Variants in PRR14L observed in about 807,000 individuals in gnomAD.
PRR14L encodes the protein proline rich 14 like, also known as protein PRR14L.
In PRR14L, 80 loss-of-function variants were observed where a neutral mutation model predicts 155.0. The ratio of observed to expected loss-of-function variants is 0.52; its 90% CI spans 0.43 to 0.62. The LOEUF is 0.62. PRR14L is among the 20% of genes least tolerant of loss of function. PRR14L has a pLI of 0.00. For synonymous variants in PRR14L, 883 were observed against 916.0 expected, an observed-to-expected ratio of 0.96 and a Z score of 0.65; for missense variants, 2,469 against 2,548.0, an observed-to-expected ratio of 0.97 and a Z score of 0.67.
intron 7 of PRR14L, among the ~76,000 whole-genome samples, chr22:31,691,872 C>CT (rs781640481): frequency 0.021 from 3,019 of 144,026 alleles, 84 homozygotes; most frequent in African/African-American, 0.069. Flanking sequence ...TTTTCAATTC[C>CT]TTTTTTTTTT....
chr22:31,705,615 G>A (rs1042802611), intron 4 of PRR14L, among the ~76,000 whole-genome samples: 2 of 151,624 alleles, frequency 1.3e-5, no homozygotes, highest in Non-Finnish European at 2.9e-5. Context: ...CTTGTGATCC[G>A]CCCACCTTAA....
intron 1 of PRR14L, among the ~76,000 whole-genome samples, chr22:31,741,867 G>A (rs751632870): frequency 2.6e-5 from 4 of 152,136 alleles, no homozygotes; most frequent in South Asian, 2.1e-4. Context: ...GTGAGACTCC[G>A]TCTCAAAAAC....
chr22:31,720,195 G>GT (rs910296367), intron 3 of PRR14L, among the ~76,000 whole-genome samples: 66 of 152,232 alleles, frequency 4.3e-4, no homozygotes, highest in African/African-American at 1.4e-3. Flanking sequence ...CTTTTGCTCT[G>GT]TTTTTTTATT....
intron 7 of PRR14L, among the ~76,000 whole-genome samples, chr22:31,691,953 C>G (rs1324192660): frequency 1.3e-5 from 2 of 151,944 alleles, no homozygotes; most frequent in African/African-American, 4.8e-5. Flanking sequence ...CTGCAACCTC[C>G]ACCTCCTGCG....
At chr22:31,707,356 GAACA>G (rs56216862) in intron 4 of PRR14L, among the ~76,000 whole-genome samples, 15,792 of 151,710 alleles carry the variant, frequency 0.1, 1,041 homozygotes, top group African/African-American at 0.18. Context: ...CTAACCTCAG[GAACA>G]AACAGTTTGG....
intron 4 of PRR14L, among the ~76,000 whole-genome samples, chr22:31,705,319 T>C (rs538889525): frequency 6.6e-6 from 1 of 152,338 alleles, no homozygotes; most frequent in Middle Eastern, 3.4e-3. Flanking sequence ...AGTTGTGTAC[T>C]GACTAATAAA....
intron 5 of PRR14L, among the ~76,000 whole-genome samples, chr22:31,704,094 G>C (rs977206716): frequency 6.6e-6 from 1 of 152,258 alleles, no homozygotes; most frequent in African/African-American, 2.4e-5. Flanking sequence ...ACCACGCCCA[G>C]CCTCAACTTC....
At chr22:31,709,423 T>G (rs1438813287) in intron 4 of PRR14L, among the ~76,000 whole-genome samples, 1 of 150,590 alleles carries the variant, frequency 6.6e-6, no homozygotes, top group Non-Finnish European at 1.5e-5. Context: ...AGCTAAAATT[T>G]TTTTGTATTT....
In PRR14L at chr22:31,711,640, C is replaced by T. The variant is rs1048623996; in HGVS notation, c.5756+443G>A. On this transcript the variant is annotated intron_variant, in intron 4 of 8. Transcript: ENST00000327423. ...CTACTAAAAAATACAAAAACTTAGC[C>T]GGGTGTGGTGGCGCATGCCTGTAAT... Among the ~76,000 whole-genome samples the T allele has an allele frequency of 3.1e-4, 47 of 151,686 alleles. 1 individual carries two copies. Among genetic ancestry groups the T allele is most frequent in the Admixed American group, 2.2e-3 (34 of 15,216 alleles).
intron 2 of PRR14L, among the ~76,000 whole-genome samples, chr22:31,733,058 G>A (rs963456747): frequency 2.0e-5 from 3 of 149,906 alleles, no homozygotes; most frequent in Non-Finnish European, 3.0e-5. Flanking sequence ...GTGCAATCTC[G>A]GCTCACTACA....
At chr22:31,699,226 CA>C (rs964837493) in intron 7 of PRR14L, among the ~76,000 whole-genome samples, 1 of 151,788 alleles carries the variant, frequency 6.6e-6, no homozygotes, top group African/African-American at 2.4e-5. Context: ...TTAGTAGAGA[CA>C]GGGTTTCACC....
At chr22:31,726,450 A>G (rs2074717261) in intron 2 of PRR14L, among the ~76,000 whole-genome samples, 2 of 152,014 alleles carry the variant, frequency 1.3e-5, no homozygotes, top group African/African-American at 4.8e-5. Flanking sequence ...TATTTTTAGT[A>G]GAGACAGGGT....
intron 7 of PRR14L, among the ~76,000 whole-genome samples, chr22:31,688,925 C>CACACACACACACAA (rs1165552534): frequency 1.7e-4 from 25 of 151,358 alleles, no homozygotes; most frequent in African/African-American, 6.1e-4. Context: ...CACACACACA[C>CACACACACACACAA]AAAAACCCTT....
intron 3 of PRR14L, among the ~76,000 whole-genome samples, chr22:31,724,476 C>G (rs1911195031): frequency 6.6e-6 from 1 of 152,200 alleles, no homozygotes; most frequent in Admixed American, 6.5e-5. Context: ...TCACGGCTCA[C>G]TACAGCCTCA....
At chr22:31,736,734 T>C (rs1417264260) in intron 2 of PRR14L, among the ~76,000 whole-genome samples, 1 of 151,930 alleles carries the variant, frequency 6.6e-6, no homozygotes, top group Non-Finnish European at 1.5e-5. Context: ...CAAAGCTGAG[T>C]TGTTCCAAAA....
chr22:31,704,584 T>A, intron 5 of PRR14L, 71 bp downstream of exon 5: 4 of 1,257,948 alleles, frequency 3.2e-6, no homozygotes, highest in Non-Finnish European at 3.5e-6. Context: ...CCACACCACC[T>A]ATGTATGCAC....
intron 2 of PRR14L, among the ~76,000 whole-genome samples, chr22:31,726,140 G>A (rs1223725121): frequency 6.6e-6 from 1 of 151,370 alleles, no homozygotes; most frequent in African/African-American, 2.4e-5. Flanking sequence ...AATAACAGAG[G>A]TCTAAAAAAA....
intron 5 of PRR14L, 146 bp from the exon 6 acceptor site, chr22:31,703,867 G>A (rs1341810898): frequency 7.8e-6 from 4 of 509,704 alleles, no homozygotes; most frequent in East Asian, 6.9e-5. Flanking sequence ...GTACGATCTC[G>A]GCTCAATGCA....
At chr22:31,746,942 G>A (rs2074841763) in intron 1 of PRR14L, among the ~76,000 whole-genome samples, 1 of 149,912 alleles carries the variant, frequency 6.7e-6, no homozygotes, top group Non-Finnish European at 1.5e-5. Flanking sequence ...GACTACAGGT[G>A]CCCGCCACCA....
Sources: allele counts gnomAD v4.1 joint callset (sites outside exome capture counted in the v4.1 genomes callset), GRCh38; gene constraint gnomAD v4.1.1; transcripts MANE v1.5; gene names NCBI Gene and HGNC (gene_info 2026-07-23, HGNC 2026-07-21).